The following RAB2A variants were observed in gnomAD, a reference collection of about 807,000 sequenced individuals.
RAB2A encodes RAB2A, member RAS oncogene family, also known as ras-related protein Rab-2A.
Under a neutral mutation model 32.5 loss-of-function variants are expected in RAB2A, and 7 were observed. The observed-to-expected ratio is 0.22, with a 90% CI of 0.12 to 0.40. RAB2A has a LOEUF of 0.40. RAB2A is among the 10% of genes least tolerant of loss of function. The probability of loss-of-function intolerance (pLI) is 1.00; values close to 1 mark genes in which losing one functional copy is unlikely to be tolerated. For missense variants in RAB2A, 108 were observed against 260.7 expected (o/e 0.41, Z 4.03); for synonymous variants, 79 against 85.2 (o/e 0.93, Z 0.40).
intron 6 of RAB2A, among the ~76,000 whole-genome samples, chr8:60,601,835 C>G (rs1444235314): frequency 6.6e-6 from 1 of 152,166 alleles, no homozygotes; most frequent in Non-Finnish European, 1.5e-5. Context: ...TCATGTATAT[C>G]AAAGCATTTT....
In RAB2A at chr8:60,552,195, G is replaced by T. The variant is rs191215489; in HGVS notation, c.47-6657G>T. Among the ~76,000 whole-genome samples the T allele has an allele frequency of 7.9e-5, 12 of 151,928 alleles. No individual in the cohort carries two copies. The East Asian group carries it at 2.3e-3, about 29-fold the overall frequency. ...TTTCTGTATTTTTAGTAGAGATAGG[G>T]TTTCACCATGTTGGCCAGGCTGGTC... On this transcript the variant is annotated intron_variant, in intron 1 of 7. Coordinates refer to ENST00000262646, the MANE Select transcript of RAB2A (RefSeq NM_002865.3).
intron 1 of RAB2A, among the ~76,000 whole-genome samples, chr8:60,547,010 G>A (rs1399149752): frequency 2.0e-5 from 3 of 149,796 alleles, no homozygotes; most frequent in Non-Finnish European, 3.0e-5. Flanking sequence ...AGTGAACAAA[G>A]GTCTCTGGTT....
At chr8:60,532,872 C>T (rs750611908) in intron 1 of RAB2A, among the ~76,000 whole-genome samples, 3 of 152,200 alleles carry the variant, frequency 2.0e-5, no homozygotes, top group African/African-American at 4.8e-5. Context: ...TGTAGGCAAG[C>T]GGGAAGGAGC....
rs146769394 is a variant in RAB2A at position 60,529,940 on chromosome 8, C to T, written c.46+12687C>T. ...GCTTTACCAGCATATCTAAATCTCT[C>T]TCCAAAGTAATCAGTTGACTCATTC... On this transcript the variant is annotated intron_variant, in intron 1 of 7. Coordinates refer to ENST00000262646, the MANE Select transcript of RAB2A (RefSeq NM_002865.3). Among the ~76,000 whole-genome samples the T allele has an allele frequency of 7.5e-4, 114 of 152,270 alleles. 1 individual carries two copies. The highest frequency in any genetic ancestry group is 1.2e-3 in the Non-Finnish European group (84 of 68,026).
At position 60,623,446 on chromosome 8, in the gene RAB2A, T is replaced by G. The variant is rs1804561589; in HGVS notation, c.*2677T>G. 6.6e-6 allele frequency: 1 copy of G among 152,208 alleles called. No homozygotes were observed. The highest frequency in any genetic ancestry group is 2.1e-4 in the South Asian group (1 of 4,836). The allele number at this position is 152,208 out of a possible 1,614,324, so 9.4% of individuals were successfully genotyped here. A position where few individuals can be genotyped will look rare whatever the true frequency, so the allele number is the denominator to read the frequency against. Reference sequence around the variant, plus strand: ...TAAAGCCCCATCTCAGTTTATTTAGTCCTGAGGTTGGCAGCATGGGGTTTG... The same window carrying G: ...TAAAGCCCCATCTCAGTTTATTTAGGCCTGAGGTTGGCAGCATGGGGTTTG... On this transcript the variant is annotated 3_prime_UTR_variant, in exon 8 of 8. Coordinates refer to ENST00000262646, the MANE Select transcript of RAB2A (RefSeq NM_002865.3).
chr8:60,523,872 A>G (rs34775344), intron 1 of RAB2A, among the ~76,000 whole-genome samples: 35,974 of 151,558 alleles, frequency 0.24, 4,314 homozygotes, highest in Middle Eastern at 0.39. Context: ...TTGTGTTTTT[A>G]GTAGAGACGG....
At chr8:60,540,731 C>T (rs1233442602) in intron 1 of RAB2A, among the ~76,000 whole-genome samples, 2 of 152,222 alleles carry the variant, frequency 1.3e-5, no homozygotes, top group South Asian at 2.1e-4. Context: ...ATCTGCCCAC[C>T]TTGGCCTTCC....
chr8:60,564,887 C>A (rs189497001), intron 2 of RAB2A, among the ~76,000 whole-genome samples: 1 of 152,198 alleles, frequency 6.6e-6, no homozygotes, highest in African/African-American at 2.4e-5. Flanking sequence ...AATATACTAC[C>A]TACTTAGTGG....
intron 1 of RAB2A, among the ~76,000 whole-genome samples, chr8:60,545,847 ATATTCATTAAACAAATTCAT>A (rs930107242): frequency 6.6e-6 from 1 of 152,260 alleles, no homozygotes; most frequent in Non-Finnish European, 1.5e-5. Flanking sequence ...CATTAAACAA[ATATTCATTAAACAAATTCAT>A]TATTCATTAA....
chr8:60,578,182 C>T (rs1803674552), intron 3 of RAB2A, among the ~76,000 whole-genome samples: 1 of 152,116 alleles, frequency 6.6e-6, no homozygotes, highest in African/African-American at 2.4e-5. Context: ...GGGATCAATC[C>T]AGGTAACATA....
intron 3 of RAB2A, among the ~76,000 whole-genome samples, chr8:60,575,188 G>A (rs1808253905): frequency 6.9e-6 from 1 of 145,350 alleles, no homozygotes; most frequent in African/African-American, 2.6e-5. Context: ...AGCCTCAAAC[G>A]CCTGGCCTCA....
At chr8:60,559,172 G>A (rs78638404) in intron 2 of RAB2A, 4,954 of 358,526 alleles carry the variant, frequency 0.014, 52 homozygotes, top group Non-Finnish European at 0.021. Context: ...TGTAATTAGC[G>A]ATGAAACAAT....
intron 1 of RAB2A, among the ~76,000 whole-genome samples, chr8:60,546,891 C>CTTTTTTTTTT (rs6150606): frequency 8.1e-5 from 8 of 98,942 alleles, no homozygotes; most frequent in Admixed American, 1.0e-4. Context: ...TTTTTTGGGT[C>CTTTTTTTTTT]TTTTTTTTTT....
chr8:60,567,263 G>A (rs1438058854), intron 2 of RAB2A, among the ~76,000 whole-genome samples: 1 of 151,838 alleles, frequency 6.6e-6, no homozygotes, highest in Admixed American at 6.6e-5. Flanking sequence ...TTAGAGGCAC[G>A]TACCACCAGA....
Position 60,623,082 on chromosome 8 carries a change from C to G in RAB2A, c.*2313C>G, listed in dbSNP as rs1296296981. The G allele has an allele frequency of 6.6e-6, 1 of 152,152 alleles. No individual in the cohort carries two copies. The highest frequency in any genetic ancestry group is 1.9e-4 in the East Asian group (1 of 5,202). The allele number at this position is 152,152 out of a possible 1,614,324, so 9.4% of individuals were successfully genotyped here. The stretch of plus-strand genomic sequence containing the variant: ...CACTGAAAAAAATAAACACAGCTTT[C>G]AATGTCTCACTCAACATGTAACATT... On this transcript the variant is annotated 3_prime_UTR_variant, in exon 8 of 8. Transcript: ENST00000262646.
rs138669876 is a variant in RAB2A, at chr8:60,619,694, G to A, written c.544-980G>A. Among the ~76,000 whole-genome samples the A allele has an allele frequency of 1.2e-3, 184 of 152,292 alleles. 1 individual carries two copies. The highest frequency in any genetic ancestry group is 6.8e-3 in the Middle Eastern group (2 of 294). The stretch of plus-strand genomic sequence containing the variant: ...GCCATATAAATTGAACAGTAATTGG[G>A]CCTCTATCTAAAAGGGCACATTCAT... On this transcript the variant is annotated intron_variant, in intron 7 of 7. Coordinates refer to ENST00000262646, the MANE Select transcript of RAB2A (RefSeq NM_002865.3).
chr8:60,531,376 C>T (rs1353870713), intron 1 of RAB2A, among the ~76,000 whole-genome samples: 1 of 152,138 alleles, frequency 6.6e-6, no homozygotes, highest in East Asian at 1.9e-4. Context: ...AAAGTTCATA[C>T]CTCTTCAGTT....
At chr8:60,616,888 G>C (rs998864629) in intron 6 of RAB2A, among the ~76,000 whole-genome samples, 5 of 152,198 alleles carry the variant, frequency 3.3e-5, no homozygotes, top group African/African-American at 7.2e-5. Context: ...AAACATATCA[G>C]TCCTGTTAAT....
intron 1 of RAB2A, among the ~76,000 whole-genome samples, chr8:60,546,891 C>CTTTTTTTTTTTTTTTTTTTTTTTTTTGGT (rs6150606): frequency 1.0e-5 from 1 of 98,948 alleles, no homozygotes; most frequent in African/African-American, 4.4e-5. Flanking sequence ...TTTTTTGGGT[C>CTTTTTTTTTTTTTTTTTTTTTTTTTTGGT]TTTTTTTTTT....
Sources: allele counts gnomAD v4.1 joint callset (sites outside exome capture counted in the v4.1 genomes callset), GRCh38; gene constraint gnomAD v4.1.1; transcripts MANE v1.5; gene names NCBI Gene and HGNC (gene_info 2026-07-23, HGNC 2026-07-21).